The following ARHGAP36 variants were observed in gnomAD, a reference collection of about 807,000 sequenced individuals.
The protein encoded by ARHGAP36 is Rho GTPase activating protein 36.
In ARHGAP36, 7 loss-of-function variants were observed where a neutral mutation model predicts 32.9. That is an observed-to-expected ratio of 0.21 (90% CI 0.12 to 0.40). ARHGAP36 has a LOEUF of 0.40. Ranked by LOEUF, ARHGAP36 falls within the 10% of genes least tolerant of loss-of-function variation. The pLI, the probability that ARHGAP36 is intolerant of heterozygous loss-of-function variation, is 1.00. For synonymous variants in ARHGAP36, 165 were observed against 168.3 expected (o/e 0.98, Z 0.15); for missense variants, 383 against 442.2 (o/e 0.87, Z 1.20).
At chrX:131,078,651 C>T (rs188096712) in intron 1 of ARHGAP36, 119 of 710,035 alleles carry the variant, frequency 1.7e-4, no homozygotes, top group Middle Eastern at 3.6e-4. Flanking sequence ...CCTACTCATT[C>T]CCCCTCCCCA....
At position 131,083,145 on chromosome X, in the gene ARHGAP36, TC is replaced by T. The variant is rs1212038246; in HGVS notation, c.254-19del. On this transcript the variant is annotated intron_variant, in intron 2 of 11. Coordinates refer to ENST00000276211, the MANE Select transcript of ARHGAP36 (RefSeq NM_144967.4). ...AAGTCCTATTTGTAAGTGTATCTTT[TC>T]TTTTTTCTCTTTCTGTAGCTCTGCC... 8.3e-7 allele frequency: 1 copy of T among 1,203,363 alleles called. No individual in the cohort carries two copies. The highest frequency in any genetic ancestry group is 2.2e-5 in the Admixed American group (1 of 45,472).
At chrX:131,083,709 C>G (rs373156860) in intron 3 of ARHGAP36, 25 bp from the exon 4 acceptor site, 1 of 1,192,400 alleles carries the variant, frequency 8.4e-7, no homozygotes, top group South Asian at 1.8e-5. Flanking sequence ...TGACGTTTCT[C>G]ATTCTTTCTC....
chrX:131,080,713 G>A (rs768661152), intron 1 of ARHGAP36, among the ~76,000 whole-genome samples: 104 of 112,233 alleles, frequency 9.3e-4, no homozygotes, highest in Middle Eastern at 4.6e-3. Flanking sequence ...CACTAGAAAT[G>A]GTCTGGAAAT....
chrX:131,080,994 T>C (rs1169836360), intron 1 of ARHGAP36, among the ~76,000 whole-genome samples: 1 of 112,421 alleles, frequency 8.9e-6, no homozygotes, highest in Non-Finnish European at 1.9e-5. Flanking sequence ...TTGCATAATT[T>C]TTCCATACTG....
intron 1 of ARHGAP36, among the ~76,000 whole-genome samples, chrX:131,062,139 TAAA>T (rs991544168): frequency 2.7e-5 from 3 of 112,584 alleles, no homozygotes; most frequent in African/African-American, 9.7e-5. Context: ...CACAGAATCA[TAAA>T]AATTGTTTTT....
At position 131,088,831 on chromosome X, in the gene ARHGAP36, G is replaced by A. The variant is rs371942535; in HGVS notation, c.*46G>A. 62 of 1,162,067 alleles carry A rather than the reference G, an allele frequency of 5.3e-5. No individual in the cohort carries two copies. The highest frequency in any genetic ancestry group is 6.5e-5 in the Non-Finnish European group (57 of 872,539). ...TGCCAGACAGGGGAAAAGGGTGGGG[G>A]TACATCTGGGATGTCACAGGAAACA... On this transcript the variant is annotated 3_prime_UTR_variant, in exon 12 of 12. Coordinates refer to ENST00000276211, the MANE Select transcript of ARHGAP36 (RefSeq NM_144967.4).
intron 4 of ARHGAP36, 117 bp downstream of exon 4, chrX:131,084,086 T>A: frequency 1.9e-6 from 2 of 1,033,772 alleles, no homozygotes; most frequent in Admixed American, 2.8e-5. Context: ...CACAATATGT[T>A]GAAGTGGTGT....
In ARHGAP36 at chrX:131,086,362, C is replaced by T. The variant is rs1200019083; in HGVS notation, c.1315C>T (p.Arg439Cys). The change falls in exon 10 of 12, where the codon CGC becomes TGC. Residue 439 changes from arginine (R) to cysteine (C), a missense_variant. By Grantham distance (180) the Arg-to-Cys change is radical. Around this residue, in one of 2 missense-constraint regions of ARHGAP36, gnomAD observed 227 missense variants for 311.3 expected, o/e 0.73. Coordinates refer to ENST00000276211, the MANE Select transcript of ARHGAP36 (RefSeq NM_144967.4). ...CCATATTCAGAGGCAGGTTGCTAAGCGCGTGTGGAAGTCCAGCCCGGAAGC... is the reference window on the plus strand; with the variant it reads ...CCATATTCAGAGGCAGGTTGCTAAGTGCGTGTGGAAGTCCAGCCCGGAAGC... ...PPHIQRQVAK[R>C]VWKSSPEALD... 8.3e-6 allele frequency: 10 copies of T among 1,211,755 alleles called. No homozygotes were observed. Among genetic ancestry groups the T allele is most frequent in the East Asian group, 3.0e-5 (1 of 33,849 alleles).
At chrX:131,074,268 T>A (rs890815991) in intron 1 of ARHGAP36, among the ~76,000 whole-genome samples, 3 of 111,724 alleles carry the variant, frequency 2.7e-5, no homozygotes, top group African/African-American at 9.8e-5. Context: ...CTTCTTTTAA[T>A]TAAGTCTCAT....
chrX:131,063,221 C>A (rs1478650549), intron 1 of ARHGAP36, among the ~76,000 whole-genome samples: 1 of 111,501 alleles, frequency 9.0e-6, no homozygotes, highest in African/African-American at 3.3e-5. Flanking sequence ...GTTTGATGAG[C>A]CTTGGCAGCT....
At chrX:131,085,842 A>G in intron 8 of ARHGAP36, 71 bp from the exon 9 acceptor site, 1 of 1,181,002 alleles carries the variant, frequency 8.5e-7, no homozygotes. Context: ...AAGAATAAAA[A>G]GAGACATATT....
rs145932994 is a variant in ARHGAP36, at chrX:131,088,733, G to A, written c.1592G>A (p.Arg531His). The A allele has an allele frequency of 1.4e-5, 17 of 1,209,298 alleles. No individual in the cohort carries two copies. Among genetic ancestry groups the A allele is most frequent in the African/African-American group, 3.5e-5 (2 of 57,194 alleles). Residue 531 changes from arginine to histidine, a missense_variant, in exon 12 of 12, where the codon CGT (arginine) becomes CAT (histidine). By Grantham distance (29) the Arg-to-His change is conservative. Around this residue, in one of 2 missense-constraint regions of ARHGAP36, gnomAD observed 227 missense variants for 311.3 expected, o/e 0.73. Transcript: ENST00000276211. The stretch of plus-strand genomic sequence containing the variant: ...CCGGAGCAAGACCGCCCATTGCTCC[G>A]TGTGCCCCGGGAGAAGGAGGCCAAA... ...PIPEQDRPLL[R>H]VPREKEAKTG...
intron 3 of ARHGAP36, 44 bp from the exon 4 acceptor site, chrX:131,083,690 G>C: frequency 1.7e-6 from 2 of 1,166,536 alleles, no homozygotes; most frequent in Non-Finnish European, 2.3e-6. Context: ...TTTAAGCGCT[G>C]CGAGGCTTTG....
chrX:131,063,422 C>T (rs1481879310), intron 1 of ARHGAP36, among the ~76,000 whole-genome samples: 1 of 111,771 alleles, frequency 8.9e-6, no homozygotes, highest in Non-Finnish European at 1.9e-5. Context: ...CTCCCATTTC[C>T]CTTTTCAAAG....
At chrX:131,086,183 A>C in intron 9 of ARHGAP36, 94 bp downstream of exon 9, 1 of 1,127,078 alleles carries the variant, frequency 8.9e-7, no homozygotes, top group Admixed American at 2.3e-5. Context: ...GGGTAGCCAA[A>C]ACAGGCAGCC....
intron 1 of ARHGAP36, among the ~76,000 whole-genome samples, chrX:131,077,338 G>T (rs1403694502): frequency 8.9e-6 from 1 of 111,897 alleles, no homozygotes; most frequent in Non-Finnish European, 1.9e-5. Context: ...TCAGAGGCTT[G>T]GACCAAAATT....
intron 5 of ARHGAP36, 78 bp downstream of exon 5, chrX:131,084,485 A>G: frequency 2.6e-6 from 3 of 1,145,807 alleles, no homozygotes; most frequent in East Asian, 3.0e-5. Context: ...GGGGGAGAAA[A>G]GAGGCCGAGG....
rs190665541 is a variant in ARHGAP36 at position 131,078,169 on chromosome X, C to T, written c.-142-3355C>T. Among the ~76,000 whole-genome samples the T allele has an allele frequency of 7.1e-3, 788 of 110,883 alleles. 6 individuals are homozygous for T. Among genetic ancestry groups the T allele is most frequent in the African/African-American group, 0.025 (752 of 30,428 alleles). ...CACTATTAACATGTTTATTAAAAAC[C>T]AATGCTAAATACCACACATAATATT... On this transcript the variant is annotated intron_variant, in intron 1 of 11. Transcript: ENST00000276211.
At chrX:131,060,616 G>C (rs914146467) in intron 1 of ARHGAP36, among the ~76,000 whole-genome samples, 9 of 112,244 alleles carry the variant, frequency 8.0e-5, no homozygotes, top group African/African-American at 2.6e-4. Flanking sequence ...TCTCCATTCT[G>C]TATTTGGTGT....
Sources: gnomAD v4.1 joint callset for allele counts (sites outside exome capture counted in the v4.1 genomes callset) on GRCh38, gnomAD v4.1.1 for gene constraint, gnomAD v4.1.1 regional missense constraint, MANE v1.5 for transcripts, NCBI Gene and HGNC (gene_info 2026-07-23, HGNC 2026-07-21) for gene names.